EYS: variants seen among roughly 807,000 people sequenced by gnomAD.
EYS encodes the protein protein eyes shut homolog.
EYS carries 250 observed loss-of-function variants against 282.1 expected under a neutral mutation model. The ratio of observed to expected loss-of-function variants is 0.89; its 90% CI spans 0.80 to 0.98. The LOEUF (loss-of-function observed/expected upper bound fraction) is 0.98, where lower values mean the gene tolerates loss of function less well. EYS is among the 50% of genes least tolerant of loss of function. The pLI, the probability that EYS is intolerant of heterozygous loss-of-function variation, is 0.00. For synonymous variants in EYS, 1,355 were observed against 1,282.9 expected, an observed-to-expected ratio of 1.06 and a Z score of -1.20; for missense variants, 4,016 against 3,709.0, an observed-to-expected ratio of 1.08 and a Z score of -2.15.
chr6:65,677,793 A>G (rs570436936), intron 1 of EYS, among the ~76,000 whole-genome samples: 1 of 152,140 alleles, frequency 6.6e-6, no homozygotes, highest in African/African-American at 2.4e-5. Context: ...TTCAAAACAT[A>G]CTACAAAGCT....
intron 28 of EYS, among the ~76,000 whole-genome samples, chr6:64,391,073 G>GA (rs1197168709): frequency 2.0e-5 from 3 of 152,054 alleles, no homozygotes; most frequent in African/African-American, 4.8e-5. Flanking sequence ...GAAGTTTAGA[G>GA]AAAAAAGAAT....
At chr6:64,956,452 A>G (rs1201468119) in intron 14 of EYS, among the ~76,000 whole-genome samples, 7 of 152,242 alleles carry the variant, frequency 4.6e-5, no homozygotes, top group Non-Finnish European at 8.8e-5. Context: ...AAAATGGATT[A>G]GATAATTAAA....
intron 31 of EYS, among the ~76,000 whole-genome samples, chr6:64,140,454 A>G (rs572053131): frequency 3.3e-5 from 5 of 152,286 alleles, no homozygotes; most frequent in Non-Finnish European, 4.4e-5. Context: ...TGTACTCTCA[A>G]TCTATTTCCA....
chr6:64,780,841 T>C (rs1274799035), intron 22 of EYS, among the ~76,000 whole-genome samples: 2 of 152,208 alleles, frequency 1.3e-5, no homozygotes, highest in Non-Finnish European at 2.9e-5. Context: ...TTTTATTTCC[T>C]TTCACCAGTG....
chr6:64,218,581 C>G (rs1300465158), intron 31 of EYS, among the ~76,000 whole-genome samples: 1 of 152,180 alleles, frequency 6.6e-6, no homozygotes, highest in Non-Finnish European at 1.5e-5. Flanking sequence ...AAGACTCGAT[C>G]ACACAAATCA....
At chr6:64,620,736 T>G (rs974203812) in intron 23 of EYS, among the ~76,000 whole-genome samples, 1 of 152,172 alleles carries the variant, frequency 6.6e-6, no homozygotes, top group Non-Finnish European at 1.5e-5. Context: ...ATGAAATATA[T>G]TTTCTTTTGA....
intron 5 of EYS, among the ~76,000 whole-genome samples, chr6:65,486,739 G>T (rs1765797078): frequency 6.6e-6 from 1 of 152,130 alleles, no homozygotes; most frequent in Admixed American, 6.6e-5. Flanking sequence ...CAACTTTGCA[G>T]TATCTAAATT....
At chr6:64,846,694 A>G (rs372572754) in intron 19 of EYS, among the ~76,000 whole-genome samples, 79 of 152,236 alleles carry the variant, frequency 5.2e-4, no homozygotes, top group African/African-American at 1.3e-3. Context: ...AATTTTCCCA[A>G]TATAAAATCT....
chr6:64,880,503 A>C (rs1375101869), intron 19 of EYS, among the ~76,000 whole-genome samples: 1 of 151,042 alleles, frequency 6.6e-6, no homozygotes, highest in Non-Finnish European at 1.5e-5. Context: ...ATCTCTCTCT[A>C]CCTCTCCCTC....
At chr6:65,073,686 AT>A (rs1356004885) in intron 12 of EYS, among the ~76,000 whole-genome samples, 167 of 151,892 alleles carry the variant, frequency 1.1e-3, no homozygotes, top group Non-Finnish European at 3.8e-4. Flanking sequence ...AGATATTCTG[AT>A]TTTGTTGTCC....
chr6:64,502,060 T>A (rs1325049186), intron 26 of EYS, among the ~76,000 whole-genome samples: 1 of 152,204 alleles, frequency 6.6e-6, no homozygotes, highest in African/African-American at 2.4e-5. Context: ...AAATGCATGC[T>A]AAGTACTTAT....
chr6:64,510,252 G>A (rs927861337), intron 26 of EYS, among the ~76,000 whole-genome samples: 3 of 151,990 alleles, frequency 2.0e-5, no homozygotes, highest in East Asian at 1.9e-4. Context: ...ATTGCTTTTG[G>A]AAATAATGAA....
chr6:64,256,742 C>A (rs1349169987), intron 30 of EYS, among the ~76,000 whole-genome samples: 2 of 151,984 alleles, frequency 1.3e-5, no homozygotes, highest in African/African-American at 4.8e-5. Flanking sequence ...GTACTACCAG[C>A]TATGAAGGAG....
chr6:65,036,672 G>A (rs567279079), intron 13 of EYS, among the ~76,000 whole-genome samples: 2 of 150,374 alleles, frequency 1.3e-5, no homozygotes, highest in South Asian at 4.2e-4. Context: ...ATGAACATTT[G>A]TCAGAAGGTG....
At chr6:64,502,379 T>G (rs9451826) in intron 26 of EYS, among the ~76,000 whole-genome samples, 62,899 of 151,790 alleles carry the variant, frequency 0.41, 13,587 homozygotes, top group African/African-American at 0.56. Context: ...TAGCTAGGAC[T>G]CCCGGCTAAT....
rs946820625 is a variant in EYS at position 63,976,784 on chromosome 6, A to G, written c.7055+7599T>C. Among the ~76,000 whole-genome samples, 10 of 152,028 alleles carry G rather than the reference A, an allele frequency of 6.6e-5. No individual in the cohort carries two copies. In the East Asian group the frequency reaches 1.7e-3, roughly 26 times the overall value. On this transcript the variant is annotated intron_variant, in intron 35 of 42. Transcript: ENST00000503581. ...CACTGGGTTTGAATTATCTTGCCAG[A>G]ATCCTGTCTTAGAGAATTGTAGAGG...
intron 2 of EYS, among the ~76,000 whole-genome samples, chr6:65,639,535 T>C (rs1290521395): frequency 6.6e-6 from 1 of 152,084 alleles, no homozygotes; most frequent in African/African-American, 2.4e-5. Flanking sequence ...TGAAAACCCA[T>C]AGAATTGTGA....
chr6:65,433,382 C>T (rs958246668), intron 5 of EYS, among the ~76,000 whole-genome samples: 1 of 151,944 alleles, frequency 6.6e-6, no homozygotes, highest in African/African-American at 2.4e-5. Flanking sequence ...CATTCCGGGT[C>T]TTAACATTTT....
intron 2 of EYS, among the ~76,000 whole-genome samples, chr6:65,549,094 T>A (rs1269848554): frequency 6.6e-6 from 1 of 152,142 alleles, no homozygotes; most frequent in Non-Finnish European, 1.5e-5. Context: ...CAGGCAGTAA[T>A]GCTCTCTCAC....
Sources: gnomAD v4.1 joint callset for allele counts (sites outside exome capture counted in the v4.1 genomes callset) on GRCh38, gnomAD v4.1.1 for gene constraint, MANE v1.5 for transcripts, NCBI Gene and HGNC (gene_info 2026-07-23, HGNC 2026-07-21) for gene names.